CFAP52: variants seen among roughly 807,000 people sequenced by gnomAD.
The protein encoded by CFAP52 is cilia and flagella associated protein 52.
A neutral mutation model predicts 70.5 loss-of-function variants in CFAP52; 57 were observed. That is an observed-to-expected ratio of 0.81 (90% confidence interval 0.65 to 1.01). The LOEUF is 1.01. Among genes scored for constraint, CFAP52 ranks in the 50% least tolerant of loss-of-function variants. The pLI is 0.00. For synonymous variants in CFAP52, 267 were observed against 292.5 expected, an observed-to-expected ratio of 0.91 and a Z score of 0.89; for missense variants, 785 against 788.5, an observed-to-expected ratio of 1.00 and a Z score of 0.05.
chr17:9,639,412 C>T (rs1216419599), intron 12 of CFAP52, among the ~76,000 whole-genome samples: 11 of 149,934 alleles, frequency 7.3e-5, no homozygotes, highest in Non-Finnish European at 1.5e-5. Flanking sequence ...GTCTGGGTGA[C>T]AGAGCAAGAC....
chr17:9,585,646 T>G, intron 1 of CFAP52, 127 bp from the exon 2 acceptor site: 1 of 949,570 alleles, frequency 1.1e-6, no homozygotes, highest in Non-Finnish European at 1.6e-6. Flanking sequence ...CACCCCAGGC[T>G]GGGTGACAAG....
chr17:9,596,690 C>T (rs1218910835), intron 4 of CFAP52, among the ~76,000 whole-genome samples: 1 of 151,718 alleles, frequency 6.6e-6, no homozygotes, highest in African/African-American at 2.4e-5. Flanking sequence ...TTTAAACTTA[C>T]TCCTCCTCAT....
At chr17:9,606,595 T>C (rs527881203) in intron 6 of CFAP52, among the ~76,000 whole-genome samples, 1 of 152,288 alleles carries the variant, frequency 6.6e-6, no homozygotes, top group South Asian at 2.1e-4. Flanking sequence ...TTGCAAGTAA[T>C]AGAGCTGAGA....
intron 4 of CFAP52, among the ~76,000 whole-genome samples, chr17:9,595,353 C>T (rs142381438): frequency 4.6e-5 from 7 of 152,112 alleles, no homozygotes; most frequent in East Asian, 1.9e-4. Flanking sequence ...TTCCTGTCCC[C>T]GCTTTATGAT....
intron 3 of CFAP52, among the ~76,000 whole-genome samples, chr17:9,592,870 G>A (rs1474973374): frequency 1.3e-5 from 2 of 152,100 alleles, no homozygotes; most frequent in African/African-American, 2.4e-5. Context: ...TCTTGGATAC[G>A]AGGCACTTCT....
At position 9,585,877 on chromosome 17, in the gene CFAP52, T is replaced by G. The variant is rs1413622045; in HGVS notation, c.175T>G (p.Phe59Val). ...IQAINTKEQNFLQGHGNNVSC... is the reference protein window; with the variant it reads ...IQAINTKEQNVLQGHGNNVSC... ...GGCAATAAATACTAAAGAGCAGAAC[T>G]TCCTACAGGGTCATGGCAACAACGT... The change falls in exon 2 of 14, where the codon TTC becomes GTC. Residue 59 changes from phenylalanine to valine, a missense_variant. By Grantham distance (50) the Phe-to-Val change is conservative. Coordinates refer to ENST00000352665, the MANE Select transcript of CFAP52 (RefSeq NM_145054.5). 2.5e-6 allele frequency: 4 copies of G among 1,613,834 alleles called. No homozygotes were observed. The highest frequency in any genetic ancestry group is 3.4e-6 in the Non-Finnish European group (4 of 1,180,012).
At chr17:9,582,423 T>C (rs911628621) in intron 1 of CFAP52, among the ~76,000 whole-genome samples, 13 of 152,214 alleles carry the variant, frequency 8.5e-5, no homozygotes, top group African/African-American at 3.1e-4. Flanking sequence ...GCATCTCTTT[T>C]TGTAGGTTTA....
chr17:9,636,191 G>GA (rs10656812), intron 11 of CFAP52, among the ~76,000 whole-genome samples: 4,957 of 82,216 alleles, frequency 0.06, 319 homozygotes, highest in African/African-American at 0.2. Flanking sequence ...AAGAAAGAAA[G>GA]AAAGAAAGAA....
chr17:9,622,403 A>C (rs974943307), intron 8 of CFAP52, among the ~76,000 whole-genome samples: 16 of 151,990 alleles, frequency 1.1e-4, no homozygotes, highest in African/African-American at 3.6e-4. Context: ...AAACTAAATA[A>C]ATAAACTGGA....
At chr17:9,614,888 C>G (rs1437748839) in intron 8 of CFAP52, among the ~76,000 whole-genome samples, 2 of 152,246 alleles carry the variant, frequency 1.3e-5, no homozygotes, top group Admixed American at 6.5e-5. Context: ...TGGGGTTAGG[C>G]CAGACCTCTT....
At chr17:9,586,379 C>T (rs1179929905) in intron 2 of CFAP52, among the ~76,000 whole-genome samples, 1 of 151,970 alleles carries the variant, frequency 6.6e-6, no homozygotes, top group Non-Finnish European at 1.5e-5. Context: ...GCCTAGCCAA[C>T]ATGGTGAAAC....
intron 10 of CFAP52, among the ~76,000 whole-genome samples, chr17:9,634,981 T>C (rs1910709228): frequency 6.6e-6 from 1 of 152,168 alleles, no homozygotes; most frequent in African/African-American, 2.4e-5. Context: ...ATGATCAAAA[T>C]TGAACAGCTG....
intron 9 of CFAP52, among the ~76,000 whole-genome samples, chr17:9,631,676 T>G (rs888108198): frequency 6.6e-6 from 1 of 150,852 alleles, no homozygotes; most frequent in African/African-American, 2.5e-5. Flanking sequence ...ATGGCGGGGG[T>G]TGGGGGTCGG....
intron 9 of CFAP52, among the ~76,000 whole-genome samples, chr17:9,632,228 C>A (rs1910574417): frequency 6.6e-6 from 1 of 151,524 alleles, no homozygotes; most frequent in Non-Finnish European, 1.5e-5. Context: ...AATGGGCATG[C>A]CACCATGCGA....
At chr17:9,582,829 G>A (rs1908283655) in intron 1 of CFAP52, among the ~76,000 whole-genome samples, 1 of 152,152 alleles carries the variant, frequency 6.6e-6, no homozygotes, top group Non-Finnish European at 1.5e-5. Flanking sequence ...TAGAGACAGG[G>A]TTTCGCCATA....
chr17:9,590,305 G>A, intron 3 of CFAP52: 1 of 185,598 alleles, frequency 5.4e-6, no homozygotes, highest in East Asian at 1.4e-4. Context: ...CATCCAGCCA[G>A]GGAATGGACA....
intron 5 of CFAP52, 30 bp from the exon 6 acceptor site, chr17:9,600,037 G>A (rs367699122): frequency 3.1e-5 from 49 of 1,602,678 alleles, no homozygotes; most frequent in Non-Finnish European, 3.7e-5. Flanking sequence ...CACCGAGGCT[G>A]GCCAAGATTT....
At chr17:9,590,872 G>A (rs2151930805) in intron 3 of CFAP52, among the ~76,000 whole-genome samples, 1 of 152,188 alleles carries the variant, frequency 6.6e-6, no homozygotes, top group Middle Eastern at 3.4e-3. Flanking sequence ...TCTGTGGTGA[G>A]AAGGGTGGAG....
intron 13 of CFAP52, among the ~76,000 whole-genome samples, chr17:9,642,200 C>T (rs1222352015): frequency 1.3e-5 from 2 of 152,194 alleles, no homozygotes; most frequent in Admixed American, 1.3e-4. Flanking sequence ...TTTATTATTG[C>T]ATGATGCGAT....
Sources: allele counts gnomAD v4.1 joint callset (sites outside exome capture counted in the v4.1 genomes callset), GRCh38; gene constraint gnomAD v4.1.1; transcripts MANE v1.5; gene names NCBI Gene and HGNC (gene_info 2026-07-23, HGNC 2026-07-21).